The following COL11A1 variants were observed in gnomAD, a reference collection of about 807,000 sequenced individuals.
COL11A1 encodes collagen type XI alpha 1 chain, also known as collagen alpha-1(XI) chain.
Under a neutral mutation model 265.2 loss-of-function variants are expected in COL11A1, and 74 were observed. The observed-to-expected ratio is 0.28, with a 90% CI of 0.23 to 0.34. The LOEUF is 0.34. Ranked by LOEUF, COL11A1 falls within the 10% of genes least tolerant of loss-of-function variation. The pLI is 1.00. For missense variants in COL11A1, 2,165 were observed against 2,263.6 expected (o/e 0.96, Z 0.88); for synonymous variants, 816 against 727.6 (o/e 1.12, Z -1.96).
Position 102,898,712 on chromosome 1 carries a change from G to C in COL11A1, c.4202C>G (p.Ala1401Gly). ...AAGACCTTCTGGACCAGGCTTTCCT[G>C]CAGGTCCCTGAGGACCGACTGGGCC... is the stretch of plus-strand genomic sequence containing the variant. Reference protein sequence around the residue: ...KTGPVGPQGPAGKPGPEGLRG... With the variant: ...KTGPVGPQGPGGKPGPEGLRG... The change falls in exon 56 of 67, where the codon GCA becomes GGA. Residue 1401 changes from alanine (A) to glycine (G), a missense_variant. Ala to Gly is a moderately conservative substitution (Grantham distance 60, BLOSUM62 0). Coordinates refer to ENST00000370096, the MANE Select transcript of COL11A1 (RefSeq NM_001854.4). The C allele has an allele frequency of 6.2e-7, 1 of 1,612,896 alleles. No homozygotes were observed. The highest frequency in any genetic ancestry group is 8.5e-7 in the Non-Finnish European group (1 of 1,179,318).
intron 4 of COL11A1, among the ~76,000 whole-genome samples, chr1:103,032,812 C>A (rs143354655): frequency 0.011 from 1,698 of 152,060 alleles, 30 homozygotes; most frequent in African/African-American, 0.038. Context: ...GCTTACATTT[C>A]TCTTCTTTAA....
chr1:103,022,198 T>C (rs1423984774), intron 8 of COL11A1, among the ~76,000 whole-genome samples: 1 of 151,876 alleles, frequency 6.6e-6, no homozygotes, highest in Non-Finnish European at 1.5e-5. Context: ...ACTAAACACA[T>C]TTAAAACAAC....
chr1:103,023,062 T>A (rs938261093), intron 7 of COL11A1, 66 bp from the exon 8 acceptor site: 2 of 1,546,204 alleles, frequency 1.3e-6, no homozygotes, highest in Admixed American at 3.3e-5. Context: ...AAGGTAAGCA[T>A]TTAAATTACA....
Position 103,061,063 on chromosome 1 carries a change from A to G in COL11A1, c.651+13555T>C, listed in dbSNP as rs534668598. Among the ~76,000 whole-genome samples the G allele has an allele frequency of 6.0e-4, 91 of 152,270 alleles. 1 individual carries two copies. Among genetic ancestry groups the G allele is most frequent in the Non-Finnish European group, 1.2e-3 (81 of 68,014 alleles). ...ATACAAAGTAAAAGGAAGGGTATAA[A>G]GGTATAACATTCTAAAACTAATAAA... is the stretch of plus-strand genomic sequence containing the variant. On this transcript the variant is annotated intron_variant, in intron 4 of 66. Coordinates refer to ENST00000370096, the MANE Select transcript of COL11A1 (RefSeq NM_001854.4).
intron 63 of COL11A1, 147 bp downstream of exon 63, chr1:102,886,660 G>A: frequency 8.6e-7 from 1 of 1,157,740 alleles, no homozygotes; most frequent in Non-Finnish European, 1.3e-6. Context: ...CAGTATAAAT[G>A]ATTTTTTCTG....
At chr1:102,997,907 A>C (rs1664776424) in intron 25 of COL11A1, among the ~76,000 whole-genome samples, 1 of 152,006 alleles carries the variant, frequency 6.6e-6, no homozygotes, top group Non-Finnish European at 1.5e-5. Flanking sequence ...GGACTCATAG[A>C]AACAGATACT....
At position 103,014,538 on chromosome 1, in the gene COL11A1, C is replaced by A; in HGVS notation, c.1545G>T (p.Gln515His). 1 of 1,613,734 alleles carries A rather than the reference C, an allele frequency of 6.2e-7. No homozygotes were observed. Among genetic ancestry groups the A allele is most frequent in the Non-Finnish European group, 8.5e-7 (1 of 1,179,766 alleles). ...KGPTISAQEA[Q>H]AQAILQQARI... Reference sequence around the variant, plus strand: ...GAGCCTGCTGAAGAATAGCTTGAGCCTGAGCTTCCTGAGCAGAGATGGTTG... The same window carrying A: ...GAGCCTGCTGAAGAATAGCTTGAGCATGAGCTTCCTGAGCAGAGATGGTTG... Residue 515 changes from glutamine to histidine, a missense_variant, in exon 13 of 67, where the codon CAG (glutamine) becomes CAT (histidine). Gln to His is a conservative substitution (Grantham distance 24). Transcript: ENST00000370096.
chr1:102,906,379 A>G (rs1653980790), intron 54 of COL11A1, among the ~76,000 whole-genome samples: 1 of 152,126 alleles, frequency 6.6e-6, no homozygotes, highest in Non-Finnish European at 1.5e-5. Context: ...AAATAATGTT[A>G]GTAAGTAATT....
chr1:102,931,572 G>T (rs1015296398), intron 46 of COL11A1, among the ~76,000 whole-genome samples: 2 of 152,142 alleles, frequency 1.3e-5, no homozygotes, highest in African/African-American at 4.8e-5. Flanking sequence ...ATATTCTGTT[G>T]ATTTGGGGTA....
At chr1:102,973,157 T>C (rs1662132994) in intron 36 of COL11A1, among the ~76,000 whole-genome samples, 1 of 152,144 alleles carries the variant, frequency 6.6e-6, no homozygotes, top group African/African-American at 2.4e-5. Flanking sequence ...AGAAATGGGG[T>C]ATTTTTATTT....
rs1300045655 is a variant in COL11A1, at chr1:103,078,593, T to C, written c.488+65A>G. 5.4e-6 allele frequency: 8 copies of C among 1,470,384 alleles called. No homozygotes were observed. The Admixed American group carries it at 1.4e-4, about 25-fold the overall frequency. The allele number at this position is 1,470,384 out of a possible 1,614,324, so 91.1% of individuals were successfully genotyped here. ...CCTTATCACACTTCATAAATATTTG[T>C]TAAGTGACTGAATAAAAAAAATGAT... On this transcript the variant is annotated intron_variant, in intron 3 of 66. Coordinates refer to ENST00000370096, the MANE Select transcript of COL11A1 (RefSeq NM_001854.4).
chr1:102,970,027 T>G (rs961378291), intron 37 of COL11A1, among the ~76,000 whole-genome samples, 192 bp downstream of exon 37: 1 of 151,638 alleles, frequency 6.6e-6, no homozygotes, highest in Non-Finnish European at 1.5e-5. Flanking sequence ...TCCTATTTCC[T>G]GAAGTATATT....
At chr1:103,004,323 G>A in intron 20 of COL11A1, 121 bp downstream of exon 20, 1 of 724,498 alleles carries the variant, frequency 1.4e-6, no homozygotes, top group South Asian at 1.7e-5. Flanking sequence ...GCAATTATCT[G>A]GTTAGCTTAG....
At chr1:103,091,070 A>AT (rs1338352400) in intron 1 of COL11A1, among the ~76,000 whole-genome samples, 2 of 152,108 alleles carry the variant, frequency 1.3e-5, no homozygotes, top group Non-Finnish European at 2.9e-5. Context: ...AGTAGTACAA[A>AT]TGGACATTAA....
intron 46 of COL11A1, among the ~76,000 whole-genome samples, chr1:102,925,352 A>C (rs1486231377): frequency 6.6e-6 from 1 of 152,094 alleles, no homozygotes; most frequent in African/African-American, 2.4e-5. Context: ...ATGATCCACA[A>C]AATTTTTTTA....
At position 102,946,862 on chromosome 1, in the gene COL11A1, T is replaced by G. The variant is rs890128212; in HGVS notation, c.3263A>C (p.Glu1088Ala). The G allele has an allele frequency of 1.2e-6, 2 of 1,613,380 alleles. No individual in the cohort carries two copies. Among genetic ancestry groups the G allele is most frequent in the Non-Finnish European group, 1.7e-6 (2 of 1,179,716 alleles). The change falls in exon 42 of 67, where the codon GAG (glutamate) becomes GCG (alanine). Residue 1088 changes from glutamate (E) to alanine (A), a missense_variant. Physicochemically the swap from Glu to Ala is moderately radical, Grantham distance 107. Coordinates refer to ENST00000370096, the MANE Select transcript of COL11A1 (RefSeq NM_001854.4). ...GPQGPPGPAG[E>A]KGAPGEKGPQ... Reference sequence around the variant, plus strand: ...GACATTACTTACAGGAGCACCTTTCTCTCCAGCTGGACCAGGAGGACCCTG... The same window carrying G: ...GACATTACTTACAGGAGCACCTTTCGCTCCAGCTGGACCAGGAGGACCCTG...
intron 21 of COL11A1, 24 bp from the exon 22 acceptor site, chr1:103,002,815 T>C: frequency 6.2e-7 from 1 of 1,609,500 alleles, no homozygotes; most frequent in Non-Finnish European, 8.5e-7. Flanking sequence ...AAAGTATTTA[T>C]GGTTGTTTAT....
At chr1:102,989,375 G>T (rs1663896152) in intron 29 of COL11A1, 143 bp downstream of exon 29, 6 of 444,400 alleles carry the variant, frequency 1.4e-5, no homozygotes, top group Non-Finnish European at 2.4e-5. Context: ...TTAAATCTTT[G>T]TATAAAAACT....
chr1:103,069,625 C>G (rs1421749512), intron 4 of COL11A1, among the ~76,000 whole-genome samples: 2 of 151,802 alleles, frequency 1.3e-5, no homozygotes, highest in Non-Finnish European at 2.9e-5. Context: ...AAGTCACATA[C>G]TGGAAAAAAT....
Sources: allele counts gnomAD v4.1 joint callset (sites outside exome capture counted in the v4.1 genomes callset), GRCh38; gene constraint gnomAD v4.1.1; transcripts MANE v1.5; gene names NCBI Gene and HGNC (gene_info 2026-07-23, HGNC 2026-07-21).